DST: variants seen among roughly 807,000 people sequenced by gnomAD.
The protein encoded by DST is dystonin.
DST carries 253 observed loss-of-function variants against 875.2 expected under a neutral mutation model. The ratio of observed to expected loss-of-function variants is 0.29; its 90% CI spans 0.26 to 0.32. DST has a LOEUF of 0.32. Among genes scored for constraint, DST ranks in the 10% least tolerant of loss-of-function variants. The pLI is 1.00. For synonymous variants in DST, 3,124 were observed against 3,197.1 expected (o/e 0.98, Z 0.77); for missense variants, 8,287 against 9,111.6 (o/e 0.91, Z 3.68).
intron 2 of DST, chr6:56,945,714 C>G (rs535579426): frequency 1.3e-5 from 2 of 152,190 alleles, no homozygotes; most frequent in South Asian, 4.2e-4. Context: ...CCCAGCAAAC[C>G]TATTGCCAGA....
intron 49 of DST, among the ~76,000 whole-genome samples, chr6:56,584,515 G>A (rs1474484461): frequency 1.3e-5 from 2 of 150,180 alleles, no homozygotes; most frequent in Non-Finnish European, 2.9e-5. Flanking sequence ...GGGTTTTCTA[G>A]ATATACAATC....
chr6:56,589,364 C>T (rs1171217288), intron 49 of DST, among the ~76,000 whole-genome samples: 22 of 152,018 alleles, frequency 1.4e-4, no homozygotes, highest in Admixed American at 1.4e-3. Flanking sequence ...CCTAATTTAA[C>T]AATAATAGTT....
Position 56,600,146 on chromosome 6 carries a change from G to T in DST, c.11617C>A (p.Arg3873Ser). ...AAGGCTTCTTGGTGACCAATTAGGC[G>T]GTTTTCAGTTTGGGTAAGAAGATCA... Reference protein sequence around the residue: ...ICDLLTQTENRLIGHQEAFMI... With the variant: ...ICDLLTQTENSLIGHQEAFMI... The change falls in exon 45 of 104, where the codon CGC becomes AGC. Residue 3873 changes from arginine to serine, a missense_variant. Coordinates refer to ENST00000680361, the MANE Select transcript of DST (RefSeq NM_001374736.1). 1 of 1,612,754 alleles carries T rather than the reference G, an allele frequency of 6.2e-7. No homozygotes were observed. Among genetic ancestry groups the T allele is most frequent in the Non-Finnish European group, 8.5e-7 (1 of 1,179,086 alleles).
At chr6:56,758,565 A>G (rs2099609755) in intron 4 of DST, among the ~76,000 whole-genome samples, 1 of 152,172 alleles carries the variant, frequency 6.6e-6, no homozygotes, top group Non-Finnish European at 1.5e-5. Context: ...CTGTTCCATG[A>G]TGTCTGGGCC....
chr6:56,818,363 G>A, intron 4 of DST, among the ~76,000 whole-genome samples: 1 of 152,164 alleles, frequency 6.6e-6, no homozygotes, highest in East Asian at 1.9e-4. Flanking sequence ...TGGAGGCTCA[G>A]CAAAGGAAAC....
At chr6:56,619,788 T>C (rs1356877887) in intron 36 of DST, 2 of 1,614,188 alleles carry the variant, frequency 1.2e-6, no homozygotes, top group Admixed American at 3.3e-5. Context: ...CATCTGAGTG[T>C]ATTATTTGTT....
chr6:56,578,922 T>A lies in DST; in HGVS notation c.12919A>T (p.Ile4307Leu). Residue 4307 changes from isoleucine (I) to leucine (L), a missense_variant, in exon 50 of 104, where the codon ATA becomes TTA. Transcript: ENST00000680361. ...TCTACAGCAACCTGCTGACTTGATA[T>A]CTGTCCTTGCAAAGCCTGTAGGATT... is the stretch of plus-strand genomic sequence containing the variant. ...LEETKALQGQ[I>L]SSQQVAVEKL... 2 of 1,598,240 alleles carry A rather than the reference T, an allele frequency of 1.3e-6. No homozygotes were observed. Among genetic ancestry groups the A allele is most frequent in the Non-Finnish European group, 8.5e-7 (1 of 1,171,568 alleles).
rs1487145609 is a variant in DST, at chr6:56,529,568, A to C, written c.17475T>G (p.Ile5825Met). 3 of 1,613,760 alleles carry C rather than the reference A, an allele frequency of 1.9e-6. No individual in the cohort carries two copies. Among genetic ancestry groups the C allele is most frequent in the South Asian group, 2.2e-5 (2 of 91,048 alleles). The change falls in exon 66 of 104, where the codon ATT (isoleucine) becomes ATG (methionine). Residue 5825 changes from isoleucine to methionine, a missense_variant. By Grantham distance (10) the Ile-to-Met change is conservative. Around this residue, in one of 10 missense-constraint regions of DST, gnomAD observed 777 missense variants for 764.8 expected, o/e 1.02. Coordinates refer to ENST00000680361, the MANE Select transcript of DST (RefSeq NM_001374736.1). ...LLQQALCNAK[I>M]FGEDEVELMN... Reference sequence around the variant, plus strand: ...TCAGTTCAACTTCATCTTCCCCAAAAATCTTAGCATTACATAAGGCCTGCT... The same window carrying C: ...TCAGTTCAACTTCATCTTCCCCAAACATCTTAGCATTACATAAGGCCTGCT...
At chr6:56,721,212 G>T (rs1314276104) in intron 5 of DST, among the ~76,000 whole-genome samples, 1 of 92,614 alleles carries the variant, frequency 1.1e-5, no homozygotes, top group Non-Finnish European at 2.2e-5. Flanking sequence ...TCCCAGATGG[G>T]GCAGCTGCCA....
At chr6:56,928,524 C>T (rs1206352256) in intron 2 of DST, among the ~76,000 whole-genome samples, 1 of 152,070 alleles carries the variant, frequency 6.6e-6, no homozygotes, top group Non-Finnish European at 1.5e-5. Flanking sequence ...AAGTCAGAAA[C>T]AAGAAAAAGG....
intron 4 of DST, among the ~76,000 whole-genome samples, chr6:56,793,827 T>C (rs1195351531): frequency 6.6e-6 from 1 of 152,228 alleles, no homozygotes; most frequent in Non-Finnish European, 1.5e-5. Flanking sequence ...CATTACATTA[T>C]AGAGTTTATA....
chr6:56,816,138 C>T (rs2099766238), intron 4 of DST, among the ~76,000 whole-genome samples: 1 of 152,112 alleles, frequency 6.6e-6, no homozygotes, highest in Non-Finnish European at 1.5e-5. Context: ...GAAAGGAGTA[C>T]TCCCTCAATC....
At chr6:56,678,828 A>G (rs2152839172) in intron 9 of DST, among the ~76,000 whole-genome samples, 1 of 152,346 alleles carries the variant, frequency 6.6e-6, no homozygotes, top group East Asian at 1.9e-4. Flanking sequence ...AACAAGCTTT[A>G]CTAACGGGCC....
intron 2 of DST, among the ~76,000 whole-genome samples, chr6:56,912,273 C>T (rs73459727): frequency 0.017 from 2,547 of 152,276 alleles, 73 homozygotes; most frequent in African/African-American, 0.057. Context: ...CTAAGACATT[C>T]CCCAGTCTCT....
At chr6:56,843,560 G>T in intron 4 of DST, 1 of 984,002 alleles carries the variant, frequency 1.0e-6, no homozygotes, top group Non-Finnish European at 1.2e-6. Flanking sequence ...TGCACGAGGC[G>T]CGTGCTTCGG....
chr6:56,476,071 T>G lies in DST; in HGVS notation c.21864+78A>C. Reference sequence around the variant, plus strand: ...TGAAAATAACGAGAACAAAGCAATGTTTTGAGAAGTACAGCAGTGAAAGAA... The same window carrying G: ...TGAAAATAACGAGAACAAAGCAATGGTTTGAGAAGTACAGCAGTGAAAGAA... On this transcript the variant is annotated intron_variant, in intron 92 of 103. Transcript: ENST00000680361. 6.4e-6 allele frequency: 8 copies of G among 1,243,500 alleles called. No individual in the cohort carries two copies. The Middle Eastern group carries it at 8.2e-4, about 128-fold the overall frequency. 77.0% of individuals were successfully genotyped at this position (1,243,500 alleles called of 1,614,324 possible). A position where few individuals can be genotyped will look rare whatever the true frequency, so the allele number is the denominator to read the frequency against.
chr6:56,750,020 T>TG (rs1012212314), intron 4 of DST, among the ~76,000 whole-genome samples: 1 of 152,116 alleles, frequency 6.6e-6, no homozygotes, highest in Non-Finnish European at 1.5e-5. Flanking sequence ...CCACCATCGC[T>TG]GCACCCCTCT....
Position 56,801,575 on chromosome 6 carries a change from G to A in DST, c.625+49822C>T, listed in dbSNP as rs78266973. 3.4e-3 allele frequency among the ~76,000 whole-genome samples: 513 copies of A among 152,004 alleles called. 4 individuals carry two copies. Among genetic ancestry groups the A allele is most frequent in the African/African-American group, 0.012 (498 of 41,448 alleles). On this transcript the variant is annotated intron_variant, in intron 4 of 103. Transcript: ENST00000680361. ...TTCCCCACCCCAACCCGCCAAATAT[G>A]TAACTTCATCTTTATAACTACATGG...
At chr6:56,480,120 C>T (rs1409578828) in intron 90 of DST, among the ~76,000 whole-genome samples, 1 of 152,158 alleles carries the variant, frequency 6.6e-6, no homozygotes, top group Admixed American at 6.5e-5. Context: ...TTGTGATTTA[C>T]TGAATAAATG....
Sources: allele counts gnomAD v4.1 joint callset (sites outside exome capture counted in the v4.1 genomes callset), GRCh38; gene constraint gnomAD v4.1.1; regional missense constraint gnomAD v4.1.1; transcripts MANE v1.5; gene names NCBI Gene and HGNC (gene_info 2026-07-23, HGNC 2026-07-21).